Variants in GALNTL6 observed in about 807,000 individuals in gnomAD.
GALNTL6 encodes polypeptide N-acetylgalactosaminyltransferase like 6.
A neutral mutation model predicts 73.7 loss-of-function variants in GALNTL6; 46 were observed. The ratio of observed to expected loss-of-function variants is 0.62; its 90% CI spans 0.49 to 0.80. The LOEUF (loss-of-function observed/expected upper bound fraction) is 0.80, where lower values mean the gene tolerates loss of function less well. Among genes scored for constraint, GALNTL6 ranks in the 30% least tolerant of loss-of-function variants. GALNTL6 has a pLI of 0.00. For synonymous variants in GALNTL6, 259 were observed against 263.7 expected, an observed-to-expected ratio of 0.98 and a Z score of 0.17; for missense variants, 604 against 755.0, an observed-to-expected ratio of 0.80 and a Z score of 2.34.
chr4:172,374,755 G>C (rs1277759230), intron 5 of GALNTL6, among the ~76,000 whole-genome samples: 2 of 152,122 alleles, frequency 1.3e-5, no homozygotes, highest in African/African-American at 2.4e-5. Flanking sequence ...TAAGATACCA[G>C]GTATCTCCAA....
At chr4:172,354,880 T>G (rs1390383713) in intron 5 of GALNTL6, among the ~76,000 whole-genome samples, 1 of 152,110 alleles carries the variant, frequency 6.6e-6, no homozygotes, top group East Asian at 1.9e-4. Flanking sequence ...CACCTTTGCC[T>G]TCATGTTTAT....
intron 5 of GALNTL6, among the ~76,000 whole-genome samples, chr4:172,735,818 C>T (rs1010621278): frequency 4.6e-5 from 7 of 152,034 alleles, no homozygotes; most frequent in South Asian, 2.1e-4. Context: ...CCCTAAGTGT[C>T]GGCCGGTCTG....
chr4:171,897,459 G>C (rs924595628), intron 2 of GALNTL6, among the ~76,000 whole-genome samples: 1 of 152,094 alleles, frequency 6.6e-6, no homozygotes, highest in African/African-American at 2.4e-5. Flanking sequence ...ACACAACAGA[G>C]GGAAAGAAAT....
intron 2 of GALNTL6, among the ~76,000 whole-genome samples, chr4:171,957,717 CCTAT>C (rs1739092978): frequency 6.6e-6 from 1 of 152,154 alleles, no homozygotes; most frequent in Admixed American, 6.5e-5. Context: ...ACTGAAATGA[CCTAT>C]CTGACTCATA....
intron 5 of GALNTL6, among the ~76,000 whole-genome samples, chr4:172,654,329 A>G (rs1730866859): frequency 1.3e-5 from 2 of 152,224 alleles, no homozygotes; most frequent in Admixed American, 1.3e-4. Context: ...CAACCGAACC[A>G]TTATTTTCTT....
intron 2 of GALNTL6, among the ~76,000 whole-genome samples, chr4:172,129,063 A>G (rs2111014053): frequency 1.3e-5 from 2 of 152,284 alleles, no homozygotes; most frequent in South Asian, 2.1e-4. Flanking sequence ...ACATTTCCAA[A>G]GGTGTCTAGA....
intron 12 of GALNTL6, among the ~76,000 whole-genome samples, chr4:173,036,193 CT>C (rs1230018478): frequency 6.6e-6 from 1 of 152,146 alleles, no homozygotes; most frequent in East Asian, 1.9e-4. Flanking sequence ...TCTCCGCCCC[CT>C]ATGTGGTAGT....
chr4:172,204,736 A>G (rs903317142), intron 2 of GALNTL6, among the ~76,000 whole-genome samples: 11 of 152,224 alleles, frequency 7.2e-5, no homozygotes, highest in Admixed American at 5.2e-4. Context: ...TACAAAGAGA[A>G]GAAAACAGAA....
At chr4:172,151,843 C>T (rs1734095240) in intron 2 of GALNTL6, among the ~76,000 whole-genome samples, 2 of 151,688 alleles carry the variant, frequency 1.3e-5, no homozygotes, top group African/African-American at 4.8e-5. Flanking sequence ...GTGACACTAC[C>T]TCTTATGCCT....
At chr4:171,894,265 G>A (rs1736845769) in intron 2 of GALNTL6, among the ~76,000 whole-genome samples, 1 of 152,118 alleles carries the variant, frequency 6.6e-6, no homozygotes, top group Non-Finnish European at 1.5e-5. Context: ...TCACTCTAGA[G>A]AAATTGACAA....
chr4:172,019,310 A>G (rs1741320455), intron 2 of GALNTL6, among the ~76,000 whole-genome samples: 1 of 151,972 alleles, frequency 6.6e-6, no homozygotes, highest in South Asian at 2.1e-4. Context: ...GTCTGTTTGG[A>G]GCTTTTGTCC....
At chr4:172,615,429 A>G (rs566998612) in intron 5 of GALNTL6, among the ~76,000 whole-genome samples, 1 of 152,254 alleles carries the variant, frequency 6.6e-6, no homozygotes, top group South Asian at 2.1e-4. Flanking sequence ...CAAGGAAAAG[A>G]TTTTGCTTTA....
At chr4:172,110,073 T>C (rs1579148614) in intron 2 of GALNTL6, among the ~76,000 whole-genome samples, 1 of 152,202 alleles carries the variant, frequency 6.6e-6, no homozygotes, top group East Asian at 1.9e-4. Context: ...ATATTCTCTT[T>C]CTTTTATGAG....
At chr4:172,625,556 G>A (rs967104543) in intron 5 of GALNTL6, among the ~76,000 whole-genome samples, 6 of 152,038 alleles carry the variant, frequency 3.9e-5, no homozygotes, top group Non-Finnish European at 5.9e-5. Flanking sequence ...TAAGATTGCT[G>A]GGTTAAATGG....
chr4:172,741,447 G>T (rs1055875212), intron 5 of GALNTL6, among the ~76,000 whole-genome samples: 1 of 151,952 alleles, frequency 6.6e-6, no homozygotes, highest in African/African-American at 2.4e-5. Context: ...CTATCTCAAA[G>T]CCAACTGGAA....
chr4:172,494,817 C>G (rs143217700), intron 5 of GALNTL6, among the ~76,000 whole-genome samples: 1 of 152,198 alleles, frequency 6.6e-6, no homozygotes, highest in African/African-American at 2.4e-5. Flanking sequence ...CTGCTTTATT[C>G]TAGCCGCACT....
chr4:171,830,330 C>T (rs1162418736), intron 2 of GALNTL6, among the ~76,000 whole-genome samples: 1 of 152,140 alleles, frequency 6.6e-6, no homozygotes, highest in Non-Finnish European at 1.5e-5. Context: ...CTACAGCAAT[C>T]CCAGGAAGCT....
intron 2 of GALNTL6, among the ~76,000 whole-genome samples, chr4:172,174,701 T>C (rs1451412548): frequency 2.6e-5 from 4 of 152,186 alleles, no homozygotes; most frequent in African/African-American, 9.7e-5. Context: ...CAACTAAGTT[T>C]CCTAAACATG....
At chr4:172,526,513 G>A (rs1256366712) in intron 5 of GALNTL6, among the ~76,000 whole-genome samples, 3 of 152,060 alleles carry the variant, frequency 2.0e-5, no homozygotes, top group Non-Finnish European at 4.4e-5. Context: ...TTTAATCTCC[G>A]ACTTTATATT....
Sources: allele counts gnomAD v4.1 joint callset (sites outside exome capture counted in the v4.1 genomes callset), GRCh38; gene constraint gnomAD v4.1.1; transcripts MANE v1.5; gene names NCBI Gene and HGNC (gene_info 2026-07-23, HGNC 2026-07-21).